Variants in MAP4K1 observed in about 807,000 individuals in gnomAD.
MAP4K1 encodes the protein mitogen-activated protein kinase kinase kinase kinase 1, also known as MAPK/ERK kinase kinase kinase 1.
In MAP4K1, 35 loss-of-function variants were observed where a neutral mutation model predicts 122.8. The ratio of observed to expected loss-of-function variants is 0.29; its 90% CI spans 0.22 to 0.38. MAP4K1 has a LOEUF of 0.38. MAP4K1 is among the 10% of genes least tolerant of loss of function. MAP4K1 has a pLI of 1.00. For missense variants in MAP4K1, 791 were observed against 1,072.6 expected (o/e 0.74, Z 3.67); for synonymous variants, 412 against 421.3 (o/e 0.98, Z 0.27).
intron 7 of MAP4K1, 40 bp from the exon 8 acceptor site, chr19:38,613,992 C>T (rs200968082): frequency 6.6e-5 from 106 of 1,612,538 alleles, no homozygotes; most frequent in East Asian, 1.1e-4. Flanking sequence ...GGGTCCACTG[C>T]GCTTCCGGCC....
chr19:38,602,415 C>T (rs866877537), intron 19 of MAP4K1, among the ~76,000 whole-genome samples: 4 of 133,094 alleles, frequency 3.0e-5, no homozygotes, highest in Admixed American at 9.0e-5. Flanking sequence ...TATATAGACA[C>T]ACACACACAC....
Position 38,612,670 on chromosome 19 carries a change from G to A in MAP4K1, c.606C>T (p.Gly202=). ...GCTCGGCCAGTTCGATGGCCGTGAT[G>A]CCCAGGGACCAGATGTCACACAGCT... ...YNELCDIWSL[G]ITAIELAELQ... The change falls in exon 9 of 31, where the codon GGC becomes GGT. Residue 202 remains glycine, a synonymous_variant. Transcript: ENST00000396857. 1 of 1,613,798 alleles carries A rather than the reference G, an allele frequency of 6.2e-7. No homozygotes were observed. Among genetic ancestry groups the A allele is most frequent in the Non-Finnish European group, 8.5e-7 (1 of 1,179,928 alleles).
chr19:38,588,906 G>A (rs554988001), intron 30 of MAP4K1, among the ~76,000 whole-genome samples: 7 of 151,600 alleles, frequency 4.6e-5, no homozygotes, highest in Non-Finnish European at 1.0e-4. Flanking sequence ...GTGACAGAGC[G>A]AGACTCCATC....
intron 13 of MAP4K1, 26 bp downstream of exon 13, chr19:38,609,570 C>T: frequency 6.2e-7 from 1 of 1,606,248 alleles, no homozygotes; most frequent in South Asian, 1.1e-5. Context: ...GTCAGGTGTC[C>T]CCAAACATAA....
intron 30 of MAP4K1, among the ~76,000 whole-genome samples, chr19:38,591,704 C>A (rs1974732159): frequency 6.6e-6 from 1 of 152,024 alleles, no homozygotes. Context: ...GGCACGGTGG[C>A]TCATGCCTGT....
At chr19:38,593,204 G>C (rs1032986232) in intron 30 of MAP4K1, 78 bp downstream of exon 30, 44 of 1,385,908 alleles carry the variant, frequency 3.2e-5, no homozygotes, top group Non-Finnish European at 4.2e-5. Flanking sequence ...GAGATACCTT[G>C]CTGGGGACAC....
At chr19:38,594,991 A>ATCTATCTG (rs1437102482) in intron 29 of MAP4K1, among the ~76,000 whole-genome samples, 1 of 151,204 alleles carries the variant, frequency 6.6e-6, no homozygotes, top group Admixed American at 6.6e-5. Context: ...CTATCTATCT[A>ATCTATCTG]TCTATAAAAT....
rs1231609797 is a variant in MAP4K1, at chr19:38,610,877, G to A, written c.810+174C>T. 3.3e-5 allele frequency among the ~76,000 whole-genome samples: 5 copies of A among 152,030 alleles called. No individual in the cohort carries two copies. In the South Asian group the frequency reaches 8.3e-4, roughly 25 times the overall value. On this transcript the variant is annotated intron_variant, in intron 11 of 30. Transcript: ENST00000396857. ...AACTCGGGGTATTTGGGAAAGGTCT[G>A]GGGTATAACCCGGAGGGTCTCTGGT...
rs1164261721 is a variant in MAP4K1 at position 38,590,373 on chromosome 19, G to GAAAAAAA, written c.2397-2563_2397-2557dup. Among the ~76,000 whole-genome samples, 3 of 18,022 alleles carry GAAAAAAA rather than the reference G, an allele frequency of 1.7e-4. 1 individual carries two copies. The highest frequency in any genetic ancestry group is 6.8e-4 in the African/African-American group (3 of 4,416). The allele number at this position is 18,022 out of a possible 152,430, so 11.8% of individuals were successfully genotyped here. On this transcript the variant is annotated intron_variant, in intron 30 of 30. Coordinates refer to ENST00000396857, the MANE Select transcript of MAP4K1 (RefSeq NM_001042600.3). ...AAGTGCCACCTATGATCTTGGACCA[G>GAAAAAAA]AAAAAAAAAAAAAAAAAAAAAATAT... is the stretch of plus-strand genomic sequence containing the variant.
At chr19:38,588,976 A>G (rs978833076) in intron 30 of MAP4K1, among the ~76,000 whole-genome samples, 3 of 151,998 alleles carry the variant, frequency 2.0e-5, no homozygotes. Flanking sequence ...ATAAAAATCC[A>G]TGAGACCATG....
intron 4 of MAP4K1, among the ~76,000 whole-genome samples, chr19:38,615,971 T>TAAA (rs746145466): frequency 1.9e-5 from 2 of 107,414 alleles, no homozygotes; most frequent in African/African-American, 3.5e-5. Context: ...GCAGTTATAT[T>TAAA]AAAAAAAAAA....
chr19:38,596,996 A>G (rs1194467909), intron 25 of MAP4K1, 38 bp downstream of exon 25: 1 of 1,589,468 alleles, frequency 6.3e-7, no homozygotes, highest in Non-Finnish European at 8.6e-7. Context: ...TTAGCCACCC[A>G]CTCCTCAGAG....
intron 30 of MAP4K1, 79 bp downstream of exon 30, chr19:38,593,203 T>TG (rs1974778250): frequency 6.5e-6 from 9 of 1,384,944 alleles, no homozygotes; most frequent in Non-Finnish European, 9.0e-6. Flanking sequence ...AGAGATACCT[T>TG]GCTGGGGACA....
chr19:38,588,520 T>C (rs1974598326), intron 30 of MAP4K1, among the ~76,000 whole-genome samples: 1 of 151,610 alleles, frequency 6.6e-6, no homozygotes, highest in Non-Finnish European at 1.5e-5. Context: ...GTGAATCCCA[T>C]CTCTACTAAA....
intron 3 of MAP4K1, 57 bp from the exon 4 acceptor site, chr19:38,616,316 G>C: frequency 2.1e-6 from 3 of 1,411,246 alleles, no homozygotes; most frequent in Non-Finnish European, 2.9e-6. Flanking sequence ...TTATTTGCAG[G>C]AAAGCCCCTG....
Position 38,613,164 on chromosome 19 carries a change from C to T in MAP4K1, c.534-422G>A, listed in dbSNP as rs193130546. Among the ~76,000 whole-genome samples the T allele has an allele frequency of 2.2e-3, 334 of 151,930 alleles. 3 individuals are homozygous for T. Among genetic ancestry groups the T allele is most frequent in the African/African-American group, 7.5e-3 (312 of 41,450 alleles). ...CTCTACTAAAAGTACAAAAATTAGC[C>T]GGGCGTGGTGGCAGGCGTCTGTAAT... On this transcript the variant is annotated intron_variant, in intron 8 of 30. Transcript: ENST00000396857.
rs1031744033 is a variant in MAP4K1, at chr19:38,608,799, C to CAAAAAAAAAAAAAAAAA, written c.1007-646_1007-630dup. On this transcript the variant is annotated intron_variant, in intron 13 of 30. Coordinates refer to ENST00000396857, the MANE Select transcript of MAP4K1 (RefSeq NM_001042600.3). Reference sequence around the variant, plus strand: ...TGGGCGACAGAGTGAAACTCCGTCTCAAAAAAAAAAAAAAAAAAAAAAAAA... The same window carrying CAAAAAAAAAAAAAAAAA: ...TGGGCGACAGAGTGAAACTCCGTCTCAAAAAAAAAAAAAAAAAAAAAAAAAAAAAAAAAAAAAAAAAA... Among the ~76,000 whole-genome samples, 4 of 9,558 alleles carry CAAAAAAAAAAAAAAAAA rather than the reference C, an allele frequency of 4.2e-4. 1 individual carries two copies. Among genetic ancestry groups the CAAAAAAAAAAAAAAAAA allele is most frequent in the Admixed American group, 2.5e-3 (2 of 816 alleles). 6.3% of individuals were successfully genotyped at this position (9,558 alleles called of 152,430 possible). A position where few individuals can be genotyped will look rare whatever the true frequency, so the allele number is the denominator to read the frequency against.
Position 38,594,975 on chromosome 19 carries a change from A to ATCTATCTATCTG in MAP4K1, c.2340+509_2340+510insCAGATAGATAGA, listed in dbSNP as rs1555808083. Reference sequence around the variant, plus strand: ...ATAAATTTTATCTATCTATCTATCTATCTATCTATCTATCTATCTATAAAA... The same window carrying ATCTATCTATCTG: ...ATAAATTTTATCTATCTATCTATCTATCTATCTATCTGTCTATCTATCTATCTATCTATAAAA... On this transcript the variant is annotated intron_variant, in intron 29 of 30. Transcript: ENST00000396857. Among the ~76,000 whole-genome samples, 681 of 150,956 alleles carry ATCTATCTATCTG rather than the reference A, an allele frequency of 4.5e-3. 3 individuals carry two copies. The highest frequency in any genetic ancestry group is 0.014 in the African/African-American group (581 of 41,008).
At chr19:38,602,541 TATAC>T (rs1220997183) in intron 19 of MAP4K1, among the ~76,000 whole-genome samples, 3 of 147,500 alleles carry the variant, frequency 2.0e-5, no homozygotes, top group East Asian at 2.0e-4. Flanking sequence ...TATATACACA[TATAC>T]ATATATATAC....
Sources: gnomAD v4.1 joint callset for allele counts (sites outside exome capture counted in the v4.1 genomes callset) on GRCh38, gnomAD v4.1.1 for gene constraint, MANE v1.5 for transcripts, NCBI Gene and HGNC (gene_info 2026-07-23, HGNC 2026-07-21) for gene names.